The following HDAC8 variants were observed in gnomAD, a reference collection of about 807,000 sequenced individuals.
The protein encoded by HDAC8 is histone deacetylase 8.
In HDAC8, 1 loss-of-function variant was observed where a neutral mutation model predicts 32.2. The ratio of observed to expected loss-of-function variants is 0.03; its 90% CI spans 0.01 to 0.15. HDAC8 has a LOEUF of 0.15. HDAC8 is among the 10% of genes least tolerant of loss of function. HDAC8 has a pLI of 1.00. For synonymous variants in HDAC8, 108 were observed against 113.9 expected (o/e 0.95, Z 0.33); for missense variants, 117 against 300.0 (o/e 0.39, Z 4.51).
intron 4 of HDAC8, among the ~76,000 whole-genome samples, chrX:72,541,662 C>T (rs1556043171): frequency 8.9e-6 from 1 of 111,778 alleles, no homozygotes; most frequent in Non-Finnish European, 1.9e-5. Flanking sequence ...AGTTATAGTG[C>T]TAGAGGTAGT....
intron 9 of HDAC8, among the ~76,000 whole-genome samples, chrX:72,442,410 C>G (rs1429296399): frequency 9.0e-6 from 1 of 111,264 alleles, no homozygotes; most frequent in Non-Finnish European, 1.9e-5. Flanking sequence ...AATTTTCAAC[C>G]CAGAATTTCA....
At position 72,331,401 on chromosome X, in the gene HDAC8, CA is replaced by C. The variant is rs782448966; in HGVS notation, c.1112-1326del. ...TGCAATCACATCTTCCTTTCTCCCC[CA>C]CACCTAGCAAGCACTGATCTGTTCT... On this transcript the variant is annotated intron_variant, in intron 10 of 10. Transcript: ENST00000373573. 1.9e-3 allele frequency among the ~76,000 whole-genome samples: 215 copies of C among 111,540 alleles called. 4 individuals carry two copies. The highest frequency in any genetic ancestry group is 6.5e-3 in the African/African-American group (201 of 30,705).
chrX:72,452,042 T>C (rs2047583433), intron 9 of HDAC8, among the ~76,000 whole-genome samples: 1 of 112,309 alleles, frequency 8.9e-6, no homozygotes, highest in Non-Finnish European at 1.9e-5. Flanking sequence ...ATACTAGAAA[T>C]ATACGTAGAA....
chrX:72,551,515 AC>A (rs2051069097), intron 4 of HDAC8, among the ~76,000 whole-genome samples: 1 of 111,392 alleles, frequency 9.0e-6, no homozygotes, highest in Admixed American at 9.6e-5. Flanking sequence ...ATCAAACCCT[AC>A]CCCTTCCACT....
At chrX:72,366,243 G>A (rs181490617) in intron 9 of HDAC8, among the ~76,000 whole-genome samples, 83 of 111,842 alleles carry the variant, frequency 7.4e-4, no homozygotes, top group Non-Finnish European at 1.3e-3. Flanking sequence ...CCCACTGACT[G>A]CAGGACTGAG....
intron 9 of HDAC8, among the ~76,000 whole-genome samples, chrX:72,434,032 G>A (rs1403433760): frequency 8.9e-6 from 1 of 112,463 alleles, no homozygotes; most frequent in Admixed American, 9.4e-5. Flanking sequence ...AATGCATGTG[G>A]CACAATGTCT....
chrX:72,477,883 A>C (rs1290051797), intron 7 of HDAC8, among the ~76,000 whole-genome samples: 1 of 112,278 alleles, frequency 8.9e-6, no homozygotes, highest in Non-Finnish European at 1.9e-5. Context: ...AATGAAATCC[A>C]GATGGGGAAA....
At position 72,342,814 on chromosome X, in the gene HDAC8, C is replaced by A. The variant is rs978085990; in HGVS notation, c.1111+8919G>T. 2.7e-5 allele frequency among the ~76,000 whole-genome samples: 3 copies of A among 111,590 alleles called. No individual in the cohort carries two copies. The Admixed American group carries it at 2.9e-4, about 11-fold the overall frequency. On this transcript the variant is annotated intron_variant, in intron 10 of 10. Transcript: ENST00000373573. Reference sequence around the variant, plus strand: ...GCGTCTCAGTTGGAATCCTATCTTCCGCACTTACCTGCTGTGTGACTTTGT... The same window carrying A: ...GCGTCTCAGTTGGAATCCTATCTTCAGCACTTACCTGCTGTGTGACTTTGT...
In HDAC8 at chrX:72,495,166, G is replaced by A. The variant is rs781990450; in HGVS notation, c.540C>T (p.His180=). 2 of 1,195,387 alleles carry A rather than the reference G, an allele frequency of 1.7e-6. No homozygotes were observed. Among genetic ancestry groups the A allele is most frequent in the Admixed American group, 4.4e-5 (2 of 45,819 alleles). Residue 180 remains histidine, a synonymous_variant, in exon 5 of 11, where the codon CAC becomes CAT. Transcript: ENST00000373573. ...ERILYVDLDL[H]HGDGVEDAFS... ...AACCAAAGGGCTTACCATCTCCATG[G>A]TGCAGATCCAAATCCACGTAGAGAA... is the stretch of plus-strand genomic sequence containing the variant.
intron 4 of HDAC8, among the ~76,000 whole-genome samples, chrX:72,557,119 C>A (rs868960422): frequency 2.1e-4 from 23 of 111,162 alleles, no homozygotes; most frequent in African/African-American, 7.2e-4. Context: ...AGGAGAATGG[C>A]GTGAACCCGG....
intron 10 of HDAC8, among the ~76,000 whole-genome samples, chrX:72,340,759 C>T (rs181782900): frequency 1.8e-5 from 2 of 111,660 alleles, no homozygotes; most frequent in East Asian, 2.8e-4. Flanking sequence ...TAATGCCAGT[C>T]TCAGCACTGC....
intron 10 of HDAC8, among the ~76,000 whole-genome samples, chrX:72,339,071 T>C (rs782052886): frequency 8.1e-5 from 9 of 111,506 alleles, no homozygotes; most frequent in African/African-American, 2.3e-4. Flanking sequence ...TTGTCTCTCA[T>C]ATAGAGGAAC....
At chrX:72,483,477 G>A (rs782564215) in intron 7 of HDAC8, among the ~76,000 whole-genome samples, 12 of 111,289 alleles carry the variant, frequency 1.1e-4, no homozygotes, top group East Asian at 8.4e-4. Flanking sequence ...CCTCCATCAC[G>A]ACTGTAAACT....
chrX:72,463,835 T>A (rs1225656922), intron 8 of HDAC8, among the ~76,000 whole-genome samples: 1 of 111,873 alleles, frequency 8.9e-6, no homozygotes, highest in African/African-American at 3.2e-5. Context: ...TGCTTGACCA[T>A]GTTATTTTAA....
intron 9 of HDAC8, among the ~76,000 whole-genome samples, chrX:72,426,763 T>C (rs1486418907): frequency 9.1e-6 from 1 of 110,392 alleles, no homozygotes; most frequent in Non-Finnish European, 1.9e-5. Flanking sequence ...CTGAACTGTG[T>C]TATCCCGGAA....
chrX:72,472,030 G>C (rs1027849959), intron 7 of HDAC8, among the ~76,000 whole-genome samples: 4 of 108,481 alleles, frequency 3.7e-5, no homozygotes, highest in African/African-American at 1.3e-4. Context: ...TATATATGGT[G>C]CGAGGTAAGG....
At chrX:72,371,097 A>AC (rs1192501216) in intron 9 of HDAC8, among the ~76,000 whole-genome samples, 2 of 112,051 alleles carry the variant, frequency 1.8e-5, no homozygotes, top group African/African-American at 6.5e-5. Flanking sequence ...TATGTTAAGA[A>AC]AAGGTCCTTA....
chrX:72,451,208 T>C (rs782679397), intron 9 of HDAC8, among the ~76,000 whole-genome samples: 49 of 110,738 alleles, frequency 4.4e-4, no homozygotes, highest in Admixed American at 4.4e-3. Context: ...TTTTTTTTTT[T>C]CCTTTTGAGA....
intron 7 of HDAC8, among the ~76,000 whole-genome samples, chrX:72,472,151 T>C (rs1484131469): frequency 9.4e-6 from 1 of 105,953 alleles, no homozygotes; most frequent in Admixed American, 1.0e-4. Context: ...CACTGCAAGC[T>C]CCGCCTCCCG....
Sources: allele counts gnomAD v4.1 joint callset (sites outside exome capture counted in the v4.1 genomes callset), GRCh38; gene constraint gnomAD v4.1.1; transcripts MANE v1.5; gene names NCBI Gene and HGNC (gene_info 2026-07-23, HGNC 2026-07-21).